GRM5: variants seen among roughly 807,000 people sequenced by gnomAD.
The protein encoded by GRM5 is glutamate metabotropic receptor 5.
A neutral mutation model predicts 83.1 loss-of-function variants in GRM5; 19 were observed. The observed-to-expected ratio is 0.23, with a 90% CI of 0.16 to 0.34. The LOEUF (loss-of-function observed/expected upper bound fraction) is 0.34. GRM5 is among the 10% of genes least tolerant of loss of function. The pLI is 1.00. For missense variants in GRM5, 1,160 were observed against 1,588.3 expected (o/e 0.73, Z 4.58); for synonymous variants, 675 against 633.6 (o/e 1.07, Z -0.98).
At chr11:88,841,558 C>T (rs908390297) in intron 3 of GRM5, among the ~76,000 whole-genome samples, 3 of 152,198 alleles carry the variant, frequency 2.0e-5, no homozygotes, top group Admixed American at 2.0e-4. Flanking sequence ...AAGGTTTTCA[C>T]ATCTGCTGGT....
chr11:88,730,099 C>A (rs917453943), intron 3 of GRM5, among the ~76,000 whole-genome samples: 5 of 152,128 alleles, frequency 3.3e-5, no homozygotes, highest in African/African-American at 1.2e-4. Flanking sequence ...AGGCAACCTA[C>A]AGAATGGGAG....
chr11:88,577,261 C>A (rs1206612658), intron 7 of GRM5, among the ~76,000 whole-genome samples: 5 of 152,032 alleles, frequency 3.3e-5, no homozygotes, highest in Non-Finnish European at 7.4e-5. Context: ...TTTTAAGTAT[C>A]GTTAAGTATT....
intron 2 of GRM5, among the ~76,000 whole-genome samples, chr11:89,007,468 T>G (rs1211602065): frequency 6.6e-6 from 1 of 152,252 alleles, no homozygotes; most frequent in East Asian, 1.9e-4. Context: ...AGAGTGATTT[T>G]CATTACTGCC....
intron 7 of GRM5, among the ~76,000 whole-genome samples, chr11:88,579,815 G>A (rs1048039000): frequency 7.2e-5 from 11 of 152,166 alleles, no homozygotes. Flanking sequence ...ATACAATGGA[G>A]TAACATGACC....
At chr11:88,948,205 A>C (rs1235444401) in intron 2 of GRM5, among the ~76,000 whole-genome samples, 2 of 152,224 alleles carry the variant, frequency 1.3e-5, no homozygotes, top group African/African-American at 4.8e-5. Flanking sequence ...ATGTTAATTG[A>C]AAACTACTGG....
At chr11:89,037,836 C>T (rs77103561) in intron 2 of GRM5, among the ~76,000 whole-genome samples, 2,355 of 152,114 alleles carry the variant, frequency 0.015, 60 homozygotes, top group African/African-American at 0.053. Flanking sequence ...TTAGGAATAA[C>T]ATGAAAAAGA....
intron 8 of GRM5, among the ~76,000 whole-genome samples, chr11:88,544,636 T>TA (rs1352491482): frequency 6.6e-6 from 1 of 152,198 alleles, no homozygotes; most frequent in Non-Finnish European, 1.5e-5. Flanking sequence ...AGTCCTAGTG[T>TA]AGGAGTGTCA....
At chr11:88,818,003 C>T (rs1943721244) in intron 3 of GRM5, among the ~76,000 whole-genome samples, 1 of 152,088 alleles carries the variant, frequency 6.6e-6, no homozygotes, top group Admixed American at 6.5e-5. Flanking sequence ...ATGCTTATTA[C>T]ATGCTGAGAA....
intron 2 of GRM5, among the ~76,000 whole-genome samples, chr11:88,951,521 A>G (rs1177705224): frequency 6.6e-6 from 1 of 152,196 alleles, no homozygotes; most frequent in Non-Finnish European, 1.5e-5. Context: ...TTTCCAATTT[A>G]TCAATCTCAA....
At chr11:88,779,266 C>A (rs1257833457) in intron 3 of GRM5, among the ~76,000 whole-genome samples, 1 of 152,170 alleles carries the variant, frequency 6.6e-6, no homozygotes. Flanking sequence ...ATTATTTAGC[C>A]TTTCACAGCT....
intron 2 of GRM5, among the ~76,000 whole-genome samples, chr11:88,969,699 G>C (rs1437757752): frequency 1.3e-5 from 2 of 152,010 alleles, no homozygotes; most frequent in Non-Finnish European, 2.9e-5. Flanking sequence ...TTTTGCTTTA[G>C]ACATGAGACC....
chr11:88,640,492 C>T (rs575328261), intron 4 of GRM5, among the ~76,000 whole-genome samples: 16 of 152,270 alleles, frequency 1.1e-4, no homozygotes, highest in African/African-American at 3.8e-4. Flanking sequence ...GCAGCAAACA[C>T]CAGCTGAGTG....
At chr11:88,829,895 A>C (rs1172029574) in intron 3 of GRM5, among the ~76,000 whole-genome samples, 1 of 152,170 alleles carries the variant, frequency 6.6e-6, no homozygotes, top group African/African-American at 2.4e-5. Context: ...TCCTAGAACC[A>C]AAGTATATAT....
chr11:88,743,747 C>T (rs866745087), intron 3 of GRM5, among the ~76,000 whole-genome samples: 18 of 152,100 alleles, frequency 1.2e-4, no homozygotes, highest in Admixed American at 4.6e-4. Flanking sequence ...CACATTGCAT[C>T]GTATCAGAAA....
At chr11:89,060,867 C>T (rs1450853965) in intron 1 of GRM5, among the ~76,000 whole-genome samples, 1 of 152,114 alleles carries the variant, frequency 6.6e-6, no homozygotes, top group African/African-American at 2.4e-5. Flanking sequence ...TATATAAATA[C>T]ATCATGCACT....
chr11:88,982,777 T>A (rs1215171036), intron 2 of GRM5, among the ~76,000 whole-genome samples: 1 of 152,210 alleles, frequency 6.6e-6, no homozygotes, highest in Non-Finnish European at 1.5e-5. Context: ...CCATCTTATA[T>A]AGAAGTTGGC....
chr11:88,987,644 A>G (rs190563371), intron 2 of GRM5, among the ~76,000 whole-genome samples: 3,250 of 152,094 alleles, frequency 0.021, 106 homozygotes, highest in African/African-American at 0.073. Context: ...TGGTTCTCCC[A>G]GCACGCAGCT....
intron 2 of GRM5, among the ~76,000 whole-genome samples, chr11:88,952,949 G>A (rs1335036836): frequency 6.6e-6 from 1 of 152,150 alleles, no homozygotes; most frequent in Non-Finnish European, 1.5e-5. Context: ...TATTATATTT[G>A]AGCGTTTGGA....
chr11:88,886,245 A>T (rs1054787702), intron 2 of GRM5, among the ~76,000 whole-genome samples: 1 of 152,014 alleles, frequency 6.6e-6, no homozygotes, highest in Non-Finnish European at 1.5e-5. Flanking sequence ...TGTGTCCTAA[A>T]TTTTCCTGGT....
Sources: allele counts gnomAD v4.1 joint callset (sites outside exome capture counted in the v4.1 genomes callset), GRCh38; gene constraint gnomAD v4.1.1; transcripts MANE v1.5; gene names NCBI Gene and HGNC (gene_info 2026-07-23, HGNC 2026-07-21).